Variants in PCLO observed in about 807,000 individuals in gnomAD.
The protein encoded by PCLO is piccolo presynaptic cytomatrix protein.
A neutral mutation model predicts 427.5 loss-of-function variants in PCLO; 82 were observed. The observed-to-expected ratio is 0.19, with a 90% CI of 0.16 to 0.23. The LOEUF (loss-of-function observed/expected upper bound fraction) is 0.23. Ranked by LOEUF, PCLO falls within the 10% of genes least tolerant of loss-of-function variation. The pLI, the probability that PCLO is intolerant of heterozygous loss-of-function variation, is 1.00. For missense variants in PCLO, 6,239 were observed against 6,115.9 expected (o/e 1.02, Z -0.67); for synonymous variants, 2,357 against 2,155.4 (o/e 1.09, Z -2.59).
intron 3 of PCLO, among the ~76,000 whole-genome samples, chr7:83,088,707 T>G (rs1175220269): frequency 2.0e-5 from 3 of 152,162 alleles, no homozygotes; most frequent in African/African-American, 7.2e-5. Context: ...GGCCAGCATG[T>G]TCAGCAGCCC....
At chr7:82,808,226 C>A (rs868060742) in intron 20 of PCLO, among the ~76,000 whole-genome samples, 1 of 151,522 alleles carries the variant, frequency 6.6e-6, no homozygotes, top group Non-Finnish European at 1.5e-5. Flanking sequence ...CAAAGATAAA[C>A]CTTAATTATT....
chr7:82,815,338 G>A (rs1356115554), intron 20 of PCLO, among the ~76,000 whole-genome samples: 2 of 151,892 alleles, frequency 1.3e-5, no homozygotes, highest in African/African-American at 4.8e-5. Context: ...AATAATAGTT[G>A]GATGGAAGCA....
chr7:82,901,133 T>C (rs1022644668), intron 9 of PCLO, among the ~76,000 whole-genome samples: 1 of 151,912 alleles, frequency 6.6e-6, no homozygotes, highest in Non-Finnish European at 1.5e-5. Context: ...CATTAAAACA[T>C]ATGATTAATG....
At chr7:82,905,393 A>C (rs906087472) in intron 8 of PCLO, among the ~76,000 whole-genome samples, 1 of 152,020 alleles carries the variant, frequency 6.6e-6, no homozygotes, top group Non-Finnish European at 1.5e-5. Flanking sequence ...ATTCATACAG[A>C]CATCCCTTCC....
chr7:82,822,059 T>G (rs1054244049), intron 20 of PCLO: 5 of 995,042 alleles, frequency 5.0e-6, no homozygotes, highest in Non-Finnish European at 6.0e-6. Context: ...TACAAGAATC[T>G]AATTGCAAAT....
At chr7:83,038,019 A>ATT (rs1788849847) in intron 3 of PCLO, among the ~76,000 whole-genome samples, 2 of 47,054 alleles carry the variant, frequency 4.3e-5, no homozygotes, top group African/African-American at 2.6e-4. Flanking sequence ...ATATATATAT[A>ATT]TATATATATA....
intron 3 of PCLO, among the ~76,000 whole-genome samples, chr7:83,113,918 T>C (rs1202755249): frequency 6.6e-6 from 1 of 152,140 alleles, no homozygotes; most frequent in Non-Finnish European, 1.5e-5. Flanking sequence ...TATAAATTTC[T>C]TAATGTTTCA....
In PCLO at chr7:83,125,333, G is replaced by A. The variant is rs374919312; in HGVS notation, c.3300+8917C>T. Among the ~76,000 whole-genome samples the A allele has an allele frequency of 4.8e-4, 73 of 151,976 alleles. No individual in the cohort carries two copies. In the South Asian group the frequency reaches 7.3e-3, roughly 15 times the overall value. ...TGGGGGGCACCCCCGCCCGGCAGCC[G>A]CCCCATCTGGGAAGTGGGGGGCTGC... is the stretch of plus-strand genomic sequence containing the variant. On this transcript the variant is annotated intron_variant, in intron 3 of 24. Coordinates refer to ENST00000333891, the MANE Select transcript of PCLO (RefSeq NM_033026.6).
At chr7:82,828,041 A>T in intron 16 of PCLO, 75 bp from the exon 17 acceptor site, 3 of 757,554 alleles carry the variant, frequency 4.0e-6, no homozygotes, top group Admixed American at 2.3e-5. Flanking sequence ...ACTAAAGGAC[A>T]TGCAGACTAT....
Position 82,955,318 on chromosome 7 carries a change from C to T in PCLO, c.5635G>A (p.Glu1879Lys). ...GFEISPEKII[E>K]VQKVYKLPTA... ...GGCAATTTATAAACTTTTTGTACTT[C>T]TATTATTTTTTCCGGGCTTATTTCA... Residue 1879 changes from glutamate to lysine, a missense_variant, in exon 5 of 25, where the codon GAA becomes AAA. By Grantham distance (56) the Glu-to-Lys change is moderately conservative. Around this residue, in one of 5 missense-constraint regions of PCLO, gnomAD observed 4,677 missense variants for 4,468.4 expected, o/e 1.05. Transcript: ENST00000333891. 1 of 1,613,380 alleles carries T rather than the reference C, an allele frequency of 6.2e-7. No individual in the cohort carries two copies. Among genetic ancestry groups the T allele is most frequent in the Non-Finnish European group, 8.5e-7 (1 of 1,179,706 alleles).
At chr7:83,001,505 A>ACACACACACAC (rs1787822338) in intron 3 of PCLO, among the ~76,000 whole-genome samples, 1 of 149,050 alleles carries the variant, frequency 6.7e-6, no homozygotes, top group African/African-American at 2.5e-5. Flanking sequence ...CACACATACA[A>ACACACACACAC]ACACACACAC....
chr7:82,956,306 T>C lies in PCLO; in HGVS notation c.4647A>G (p.Ser1549=), dbSNP rs761747286. The C allele has an allele frequency of 9.9e-6, 16 of 1,612,918 alleles. No homozygotes were observed. The highest frequency in any genetic ancestry group is 1.3e-5 in the African/African-American group (1 of 74,944). ...TTCGAATGAAGTCCTCCTCTTCCCC[T>C]GATCCTTGGCTGTCTTCCTGTTTAT... ...DEYKQEDSQG[S]GEEEDFIRKQ... is the part of the protein sequence containing the mutation. The change falls in exon 5 of 25, where the codon TCA becomes TCG. Residue 1549 remains serine, a synonymous_variant. Transcript: ENST00000333891.
chr7:83,162,875 A>C lies in PCLO; in HGVS notation c.-283T>G. 1 of 479,410 alleles carries C rather than the reference A, an allele frequency of 2.1e-6. No homozygotes were observed. The highest frequency in any genetic ancestry group is 2.7e-5 in the South Asian group (1 of 37,528). The allele number at this position is 479,410 out of a possible 1,614,324, so 29.7% of individuals were successfully genotyped here. ...CGCCTCGGCGCCCCGAGCCGGGGAG[A>C]AGCAGATCTGAGCGGTGCCAGCCGG... On this transcript the variant is annotated 5_prime_UTR_variant, in exon 1 of 25. Transcript: ENST00000333891.
chr7:83,137,020 A>C (rs546117078), intron 2 of PCLO, among the ~76,000 whole-genome samples: 39 of 152,292 alleles, frequency 2.6e-4, no homozygotes, highest in Middle Eastern at 3.4e-3. Flanking sequence ...CAAGGTAACC[A>C]ATGTAAATAA....
chr7:82,823,894 C>T (rs1028633574), intron 19 of PCLO, among the ~76,000 whole-genome samples: 7 of 152,044 alleles, frequency 4.6e-5, no homozygotes, highest in Admixed American at 2.0e-4. Context: ...TCAATGAACT[C>T]GTAGGGATTT....
intron 3 of PCLO, among the ~76,000 whole-genome samples, chr7:83,122,286 C>CTTTTTTTTTTTTTTTTTTTTTTT (rs71074624): frequency 7.8e-6 from 1 of 128,300 alleles, no homozygotes; most frequent in Non-Finnish European, 1.6e-5. Flanking sequence ...CTTTTCTTTT[C>CTTTTTTTTTTTTTTTTTTTTTTT]TTTTTTTTTT....
At chr7:82,870,998 A>C (rs1793220563) in intron 10 of PCLO, among the ~76,000 whole-genome samples, 1 of 152,172 alleles carries the variant, frequency 6.6e-6, no homozygotes, top group Admixed American at 6.5e-5. Flanking sequence ...AAATGCTCAT[A>C]CACTGTTTGT....
intron 22 of PCLO, among the ~76,000 whole-genome samples, chr7:82,765,448 T>C (rs1361262700): frequency 6.6e-6 from 1 of 151,898 alleles, no homozygotes; most frequent in Non-Finnish European, 1.5e-5. Flanking sequence ...ATAAAATTAA[T>C]AAATCAAAAT....
At chr7:83,102,162 C>T (rs1790753412) in intron 3 of PCLO, among the ~76,000 whole-genome samples, 2 of 151,696 alleles carry the variant, frequency 1.3e-5, no homozygotes, top group African/African-American at 4.8e-5. Context: ...ACTTGATGTG[C>T]CTGTGAGAAA....
Sources: gnomAD v4.1 joint callset for allele counts (sites outside exome capture counted in the v4.1 genomes callset) on GRCh38, gnomAD v4.1.1 for gene constraint, gnomAD v4.1.1 regional missense constraint, MANE v1.5 for transcripts, NCBI Gene and HGNC (gene_info 2026-07-23, HGNC 2026-07-21) for gene names.